SLC2A11: variants seen among roughly 807,000 people sequenced by gnomAD.
SLC2A11 encodes the protein solute carrier family 2 member 11, also known as solute carrier family 2, facilitated glucose transporter member 11.
Under a neutral mutation model 52.1 loss-of-function variants are expected in SLC2A11, and 43 were observed. The ratio of observed to expected loss-of-function variants is 0.82; its 90% CI spans 0.65 to 1.06. The LOEUF (loss-of-function observed/expected upper bound fraction) is 1.06. Among genes scored for constraint, SLC2A11 ranks in the 50% least tolerant of loss-of-function variants. The pLI, the probability that SLC2A11 is intolerant of heterozygous loss-of-function variation, is 0.00. For synonymous variants in SLC2A11, 261 were observed against 277.6 expected (o/e 0.94, Z 0.59); for missense variants, 582 against 654.2 (o/e 0.89, Z 1.20).
At chr22:23,867,450 G>A (rs548625425) in intron 2 of SLC2A11, 12 of 235,732 alleles carry the variant, frequency 5.1e-5, no homozygotes, top group Admixed American at 3.4e-4. Context: ...CGCCCATCTC[G>A]GCCTCCCAAA....
At chr22:23,864,475 C>T (rs12628753) in intron 2 of SLC2A11, among the ~76,000 whole-genome samples, 45,644 of 152,014 alleles carry the variant, frequency 0.3, 7,313 homozygotes, top group Non-Finnish European at 0.34. Context: ...CCCACCACCA[C>T]GCCTGGCTAA....
intron 1 of SLC2A11, among the ~76,000 whole-genome samples, chr22:23,858,860 C>T (rs1227028956): frequency 1.3e-5 from 2 of 152,206 alleles, no homozygotes; most frequent in Non-Finnish European, 2.9e-5. Flanking sequence ...GGAAGGAAAG[C>T]TCTGACAGCT....
At chr22:23,867,849 T>C in intron 2 of SLC2A11, 1 of 450,004 alleles carries the variant, frequency 2.2e-6, no homozygotes, top group South Asian at 1.6e-5. Context: ...CCAGTGCATC[T>C]TTCCCATCTG....
At chr22:23,872,606 C>T (rs1466232895) in intron 3 of SLC2A11, 1 of 152,172 alleles carries the variant, frequency 6.6e-6, no homozygotes, top group Non-Finnish European at 1.5e-5. Context: ...TCTTGCTTAG[C>T]ACCACTCAAA....
At chr22:23,882,433 G>C in intron 6 of SLC2A11, 26 bp from the exon 7 acceptor site, 1 of 1,505,344 alleles carries the variant, frequency 6.6e-7, no homozygotes, top group Non-Finnish European at 8.9e-7. Context: ...GGGACGGGGA[G>C]CTCAGTACCC....
At chr22:23,882,067 A>C (rs28551475) in intron 6 of SLC2A11, 5 of 151,686 alleles carry the variant, frequency 3.3e-5, no homozygotes, top group Non-Finnish European at 6.5e-5. Flanking sequence ...CAGAGAGAGA[A>C]ACACACACAC....
At position 23,884,369 on chromosome 22, in the gene SLC2A11, C is replaced by G; in HGVS notation, c.1239C>G (p.Val413=). 1 of 1,614,040 alleles carries G rather than the reference C, an allele frequency of 6.2e-7. No homozygotes were observed. The highest frequency in any genetic ancestry group is 8.5e-7 in the Non-Finnish European group (1 of 1,180,016). The change falls in exon 11 of 12, where the codon GTC becomes GTG. Residue 413 remains valine (V), a synonymous_variant. Coordinates refer to ENST00000316185, the MANE Select transcript of SLC2A11 (RefSeq NM_001024939.4). This position sits in a 1 kb window ranked among gnomAD's most constrained non-coding sequence, Gnocchi z 4.3. ...TGGCCAGGCCTGCTGCCTGCATGGTCTGCGGGGCGCTCATGTGGATCATGC... is the reference window on the plus strand; with the variant it reads ...TGGCCAGGCCTGCTGCCTGCATGGTGTGCGGGGCGCTCATGTGGATCATGC... The part of the protein sequence containing the change: ...DQMARPAACM[V]CGALMWIMLI...
At chr22:23,877,531 C>A in intron 5 of SLC2A11, 190 bp from the exon 6 acceptor site, 1 of 809,168 alleles carries the variant, frequency 1.2e-6, no homozygotes, top group Non-Finnish European at 2.1e-6. Flanking sequence ...TGAGGTGGGG[C>A]AGTGGCCCTG....
upstream of SLC2A11, chr22:23,857,457 G>T (rs368081581): frequency 3.1e-6 from 5 of 1,613,628 alleles, no homozygotes; most frequent in East Asian, 1.1e-4. Flanking sequence ...AGGAGTGAGC[G>T]GCTTTTCAGC....
intron 2 of SLC2A11, 103 bp from the exon 3 acceptor site, chr22:23,868,378 C>G: frequency 7.1e-7 from 1 of 1,413,352 alleles, no homozygotes; most frequent in Non-Finnish European, 9.7e-7. Context: ...GTTGTCATTG[C>G]CTGTTCTGCA....
chr22:23,868,533 T>C lies in SLC2A11; in HGVS notation c.182T>C (p.Leu61Pro), dbSNP rs754963615. The C allele has an allele frequency of 6.2e-7, 1 of 1,614,248 alleles. No homozygotes were observed. The highest frequency in any genetic ancestry group is 1.1e-5 in the South Asian group (1 of 91,090). ...TGGCAGGCGCGTACTGGAGAGCCAC[T>C]GCCCGATCACCTAGTCCTGCTTATG... ...ETWQARTGEP[L>P]PDHLVLLMWS... is the part of the protein sequence containing the mutation. Residue 61 changes from leucine to proline, a missense_variant, in exon 3 of 12, where the codon CTG becomes CCG. Transcript: ENST00000316185.
At chr22:23,862,517 T>TC (rs2032107757) in intron 2 of SLC2A11, among the ~76,000 whole-genome samples, 1 of 152,080 alleles carries the variant, frequency 6.6e-6, no homozygotes, top group Non-Finnish European at 1.5e-5. Context: ...CAGCCACTTC[T>TC]CCCCATGTTT....
chr22:23,880,997 C>G (rs116712610), intron 6 of SLC2A11: 29 of 152,206 alleles, frequency 1.9e-4, no homozygotes, highest in African/African-American at 6.7e-4. Flanking sequence ...CCAGCCTCAT[C>G]GCCGTCCTCT....
rs1192441733 is a variant in SLC2A11 at position 23,884,870 on chromosome 22, C to T, written c.*21C>T. 6.2e-7 allele frequency: 1 copy of T among 1,607,254 alleles called. No individual in the cohort carries two copies. Among genetic ancestry groups the T allele is most frequent in the African/African-American group, 1.3e-5 (1 of 74,742 alleles). ...TCTAGTCCCAAAGGGGTGGCCAGAG[C>T]CAAAGCCAGCTACTGTCCTGTCCTC... On this transcript the variant is annotated 3_prime_UTR_variant, in exon 12 of 12. Transcript: ENST00000316185. This position sits in a 1 kb window ranked among gnomAD's most constrained non-coding sequence, Gnocchi z 4.3.
At chr22:23,857,527 C>T (rs1376819511), upstream of SLC2A11, 2 of 1,613,028 alleles carry the variant, frequency 1.2e-6, no homozygotes, top group Non-Finnish European at 1.7e-6. Context: ...CGGCCTCGGA[C>T]GCAGGTGAGC....
intron 2 of SLC2A11, among the ~76,000 whole-genome samples, chr22:23,864,884 G>A (rs935994833): frequency 6.6e-5 from 10 of 151,744 alleles, no homozygotes; most frequent in African/African-American, 2.4e-4. Flanking sequence ...GAGGCAGGCG[G>A]ATCATTTGAG....
At position 23,868,593 on chromosome 22, in the gene SLC2A11, G is replaced by C. The variant is rs1353487083; in HGVS notation, c.242G>C (p.Gly81Ala). 4.3e-6 allele frequency: 7 copies of C among 1,614,206 alleles called. No individual in the cohort carries two copies. Among genetic ancestry groups the C allele is most frequent in the South Asian group, 3.3e-5 (3 of 91,086 alleles). ...ATCGTGTCTCTGTATCCCCTGGGAG[G>C]CCTCTTTGGAGCACTGCTTGCAGGT... ...SLIVSLYPLGGLFGALLAGPL... is the reference protein window; with the variant it reads ...SLIVSLYPLGALFGALLAGPL... The change falls in exon 3 of 12, where the codon GGC becomes GCC. Residue 81 changes from glycine (G) to alanine (A), a missense_variant. Physicochemically the swap from Gly to Ala is moderately conservative, Grantham distance 60. Coordinates refer to ENST00000316185, the MANE Select transcript of SLC2A11 (RefSeq NM_001024939.4).
At position 23,884,386 on chromosome 22, in the gene SLC2A11, G is replaced by A. The variant is rs142206009; in HGVS notation, c.1256G>A (p.Trp419Ter). 6.2e-7 allele frequency: 1 copy of A among 1,614,054 alleles called. No individual in the cohort carries two copies. Among genetic ancestry groups the A allele is most frequent in the Non-Finnish European group, 8.5e-7 (1 of 1,180,020 alleles). Residue 419 changes from tryptophan to a stop codon, truncating the protein, a stop_gained, in exon 11 of 12, where the codon TGG becomes TAG. Coordinates refer to ENST00000316185, the MANE Select transcript of SLC2A11 (RefSeq NM_001024939.4). LOFTEE classifies it low-confidence loss of function (END_TRUNC). This position sits in a 1 kb window ranked among gnomAD's most constrained non-coding sequence, Gnocchi z 4.3. ...AACMVCGALM[W>*]IMLILVGLGF... ...TGCATGGTCTGCGGGGCGCTCATGT[G>A]GATCATGCTCATCCTGGTCGGCCTG...
chr22:23,880,451 A>G (rs1481028829), intron 6 of SLC2A11: 1 of 152,094 alleles, frequency 6.6e-6, no homozygotes, highest in Non-Finnish European at 1.5e-5. Context: ...GCTCACAATT[A>G]TTTTTGAGAC....
Sources: allele counts gnomAD v4.1 joint callset (sites outside exome capture counted in the v4.1 genomes callset), GRCh38; gene constraint gnomAD v4.1.1; non-coding constraint Gnocchi (gnomAD v3.1); transcripts MANE v1.5; gene names NCBI Gene and HGNC (gene_info 2026-07-23, HGNC 2026-07-21).